The following MED12L variants were observed in gnomAD, a reference collection of about 807,000 sequenced individuals.
The protein encoded by MED12L is mediator complex subunit 12L, also known as mediator of RNA polymerase II transcription subunit 12-like protein.
A neutral mutation model predicts 281.3 loss-of-function variants in MED12L; 60 were observed. The observed-to-expected ratio is 0.21, with a 90% CI of 0.17 to 0.26. The LOEUF is 0.26. Among genes scored for constraint, MED12L ranks in the 10% least tolerant of loss-of-function variants. The probability of loss-of-function intolerance (pLI) is 1.00; values close to 1 mark genes in which losing one functional copy is unlikely to be tolerated. For missense variants in MED12L, 2,146 were observed against 2,680.9 expected, an observed-to-expected ratio of 0.80 and a Z score of 4.41; for synonymous variants, 974 against 987.2, an observed-to-expected ratio of 0.99 and a Z score of 0.25.
At chr3:151,255,830 A>G (rs1006862208) in intron 16 of MED12L, among the ~76,000 whole-genome samples, 1 of 152,246 alleles carries the variant, frequency 6.6e-6, no homozygotes, top group African/African-American at 2.4e-5. Context: ...ACTGCCTTGT[A>G]TAAACCAGGA....
At chr3:151,419,067 TATAG>T (rs1717954165) in intron 43 of MED12L, among the ~76,000 whole-genome samples, 1 of 152,244 alleles carries the variant, frequency 6.6e-6, no homozygotes, top group Admixed American at 6.5e-5. Flanking sequence ...TTTTGAGACA[TATAG>T]TAAATTATTG....
At chr3:151,186,410 T>C (rs952724859) in intron 12 of MED12L, among the ~76,000 whole-genome samples, 5 of 152,214 alleles carry the variant, frequency 3.3e-5, no homozygotes, top group African/African-American at 1.2e-4. Context: ...CTGTGGCTCC[T>C]GACTGTAGCC....
At chr3:151,367,903 T>C in intron 24 of MED12L, 137 bp downstream of exon 24, 2 of 1,051,708 alleles carry the variant, frequency 1.9e-6, no homozygotes, top group Non-Finnish European at 1.4e-6. Context: ...GTAGATATGG[T>C]AGAATTTTAA....
intron 16 of MED12L, among the ~76,000 whole-genome samples, chr3:151,223,581 C>T (rs1472519437): frequency 6.6e-6 from 1 of 152,164 alleles, no homozygotes; most frequent in African/African-American, 2.4e-5. Context: ...TGAATTAACA[C>T]AGAAACAGAA....
At chr3:151,413,406 TC>T in intron 42 of MED12L, 111 bp downstream of exon 42, 1 of 1,297,694 alleles carries the variant, frequency 7.7e-7, no homozygotes, top group South Asian at 1.6e-5. Context: ...ATTCCAAGGA[TC>T]CCTGTGGATT....
chr3:151,087,257 C>T (rs919726836), intron 2 of MED12L, among the ~76,000 whole-genome samples: 4 of 152,248 alleles, frequency 2.6e-5, no homozygotes. Flanking sequence ...CGGTCGCTTT[C>T]CCGTTGCCGG....
chr3:151,135,633 ACTC>A (rs1203327788), intron 5 of MED12L, among the ~76,000 whole-genome samples: 1 of 151,684 alleles, frequency 6.6e-6, no homozygotes, highest in Non-Finnish European at 1.5e-5. Context: ...CCTGCTCCTC[ACTC>A]CTCGCTGTGA....
Position 151,190,729 on chromosome 3 carries a change from G to T in MED12L, c.1766G>T (p.Ser589Ile). ...TGTTTCTCTATAGCGGACCCAAACA[G>T]TGAATGTGAAAAGGTGGAATTTGTG... Reference protein sequence around the residue: ...TQAPSLSDPNSECEKVEFVNL... With the variant: ...TQAPSLSDPNIECEKVEFVNL... The change falls in exon 14 of 45, where the codon AGT becomes ATT. Residue 589 changes from serine to isoleucine, a missense_variant. This residue lies in a region of MED12L where 722 missense variants were observed against 861.2 expected (regional missense o/e 0.84). Coordinates refer to ENST00000687756, the MANE Select transcript of MED12L (RefSeq NM_001393769.1). 6.2e-7 allele frequency: 1 copy of T among 1,614,152 alleles called. No individual in the cohort carries two copies.
intron 40 of MED12L, among the ~76,000 whole-genome samples, chr3:151,410,037 T>G (rs548496531): frequency 1.3e-5 from 2 of 152,276 alleles, no homozygotes; most frequent in Non-Finnish European, 2.9e-5. Context: ...TAACGGGGCT[T>G]GAAATCAGAC....
At chr3:151,304,124 A>G (rs771385996) in intron 16 of MED12L, among the ~76,000 whole-genome samples, 3 of 152,118 alleles carry the variant, frequency 2.0e-5, no homozygotes, top group African/African-American at 4.8e-5. Flanking sequence ...GGGTTGAGTA[A>G]TGATTGTAAG....
At chr3:151,385,925 C>T (rs1477131877) in intron 36 of MED12L, among the ~76,000 whole-genome samples, 1 of 151,920 alleles carries the variant, frequency 6.6e-6, no homozygotes, top group African/African-American at 2.4e-5. Context: ...CCACAATCAC[C>T]AAGATGAAAG....
At chr3:151,361,950 A>G (rs1324287609) in intron 21 of MED12L, among the ~76,000 whole-genome samples, 1 of 152,126 alleles carries the variant, frequency 6.6e-6, no homozygotes, top group Non-Finnish European at 1.5e-5. Flanking sequence ...TTTACTATAG[A>G]TGGGTAGGAG....
chr3:151,370,751 C>T (rs976055087), intron 26 of MED12L, among the ~76,000 whole-genome samples: 2 of 152,174 alleles, frequency 1.3e-5, no homozygotes, highest in African/African-American at 4.8e-5. Flanking sequence ...TAGTGCTCAT[C>T]AGAGAAGCTA....
chr3:151,119,754 C>T (rs1187202009), intron 3 of MED12L, among the ~76,000 whole-genome samples: 1 of 152,088 alleles, frequency 6.6e-6, no homozygotes, highest in African/African-American at 2.4e-5. Flanking sequence ...CTTCCGCTAC[C>T]ACTCTTTCTG....
At chr3:151,121,414 A>G (rs895455808) in intron 3 of MED12L, among the ~76,000 whole-genome samples, 1 of 152,246 alleles carries the variant, frequency 6.6e-6, no homozygotes, top group East Asian at 1.9e-4. Context: ...CAAAGATCAA[A>G]GAATGTCAGG....
chr3:151,309,920 T>C (rs1222364294), intron 16 of MED12L, among the ~76,000 whole-genome samples: 1 of 152,188 alleles, frequency 6.6e-6, no homozygotes, highest in Non-Finnish European at 1.5e-5. Context: ...TTTTCTGCCT[T>C]CTGAAGTGAA....
At chr3:151,252,183 A>G (rs1414342203) in intron 16 of MED12L, among the ~76,000 whole-genome samples, 2 of 152,060 alleles carry the variant, frequency 1.3e-5, no homozygotes. Flanking sequence ...ATCTCCATTC[A>G]TTCATCTTTC....
At chr3:151,338,053 G>C (rs121917886) in intron 16 of MED12L, 1 of 1,613,918 alleles carries the variant, frequency 6.2e-7, no homozygotes, top group Non-Finnish European at 8.5e-7. Context: ...AAGACATCCC[G>C]GGTTTGGCTC....
chr3:151,198,189 AT>A, intron 16 of MED12L: 1 of 363,474 alleles, frequency 2.8e-6, no homozygotes, highest in Admixed American at 4.2e-5. Context: ...CATTCGTTCA[AT>A]GAGACTCTTT....
Sources: allele counts gnomAD v4.1 joint callset (sites outside exome capture counted in the v4.1 genomes callset), GRCh38; gene constraint gnomAD v4.1.1; regional missense constraint gnomAD v4.1.1; transcripts MANE v1.5; gene names NCBI Gene and HGNC (gene_info 2026-07-23, HGNC 2026-07-21).